The following PRKCA variants were observed in gnomAD, a reference collection of about 807,000 sequenced individuals.
PRKCA encodes protein kinase C alpha type.
PRKCA carries 27 observed loss-of-function variants against 87.0 expected under a neutral mutation model. The observed-to-expected ratio is 0.31, with a 90% CI of 0.23 to 0.43. The LOEUF (loss-of-function observed/expected upper bound fraction) is 0.43, where lower values mean the gene tolerates loss of function less well. PRKCA is among the 20% of genes least tolerant of loss of function. PRKCA has a pLI of 1.00. For synonymous variants in PRKCA, 329 were observed against 311.1 expected (o/e 1.06, Z -0.61); for missense variants, 518 against 852.3 (o/e 0.61, Z 4.88).
chr17:66,524,089 A>G (rs1258544013), intron 3 of PRKCA, among the ~76,000 whole-genome samples: 1 of 152,164 alleles, frequency 6.6e-6, no homozygotes, highest in African/African-American at 2.4e-5. Context: ...CAGCCTCTGC[A>G]ACATATACAG....
intron 3 of PRKCA, among the ~76,000 whole-genome samples, chr17:66,568,767 G>A (rs11655518): frequency 0.05 from 7,595 of 152,064 alleles, 267 homozygotes; most frequent in East Asian, 0.12. Flanking sequence ...TAATTTTGTG[G>A]GACTCAATGA....
intron 3 of PRKCA, among the ~76,000 whole-genome samples, chr17:66,558,087 T>C (rs934142177): frequency 1.3e-5 from 2 of 152,242 alleles, no homozygotes; most frequent in Non-Finnish European, 2.9e-5. Context: ...AATACGGGAA[T>C]AGCTGTACAT....
intron 13 of PRKCA, among the ~76,000 whole-genome samples, chr17:66,763,623 CTT>C: frequency 6.6e-6 from 1 of 152,236 alleles, no homozygotes; most frequent in South Asian, 2.1e-4. Flanking sequence ...AAAGGATATT[CTT>C]TGTTTCCCTG....
At chr17:66,799,559 GTGGTGGTGA>G (rs1169867532) in intron 16 of PRKCA, among the ~76,000 whole-genome samples, 2 of 1,766 alleles carry the variant, frequency 1.1e-3, no homozygotes, top group Admixed American at 7.7e-3. Flanking sequence ...GGTGGTGGTG[GTGGTGGTGA>G]TGGTGGTGGT....
At chr17:66,693,226 C>A (rs1972828016) in intron 8 of PRKCA, among the ~76,000 whole-genome samples, 1 of 152,194 alleles carries the variant, frequency 6.6e-6, no homozygotes, top group Admixed American at 6.5e-5. Context: ...TGGTAGAGAT[C>A]CTGCTAGAGC....
chr17:66,393,026 G>T (rs1272946573), intron 2 of PRKCA, among the ~76,000 whole-genome samples: 1 of 152,178 alleles, frequency 6.6e-6, no homozygotes, highest in Non-Finnish European at 1.5e-5. Context: ...GAGGGGAAAT[G>T]ATGGAAAACA....
chr17:66,458,108 G>A (rs934674299), intron 2 of PRKCA, among the ~76,000 whole-genome samples: 2 of 152,218 alleles, frequency 1.3e-5, no homozygotes, highest in Non-Finnish European at 2.9e-5. Flanking sequence ...CCCAAACTAG[G>A]CAGTGTAAGT....
intron 8 of PRKCA, among the ~76,000 whole-genome samples, chr17:66,697,979 G>A (rs1325501040): frequency 6.6e-6 from 1 of 152,202 alleles, no homozygotes; most frequent in Non-Finnish European, 1.5e-5. Context: ...AGGATTGAAA[G>A]AAGGCATGCA....
At chr17:66,640,694 C>T (rs893926345) in intron 3 of PRKCA, among the ~76,000 whole-genome samples, 9 of 152,300 alleles carry the variant, frequency 5.9e-5, no homozygotes, top group African/African-American at 1.4e-4. Flanking sequence ...TCTACTCGTG[C>T]CCCAGCCTGC....
intron 14 of PRKCA, among the ~76,000 whole-genome samples, chr17:66,778,515 C>CA (rs1485931539): frequency 1.3e-5 from 2 of 151,732 alleles, no homozygotes; most frequent in Non-Finnish European, 1.5e-5. Flanking sequence ...GACTCCATCT[C>CA]AAAAAAATAA....
chr17:66,779,212 G>A (rs929531413), intron 14 of PRKCA, among the ~76,000 whole-genome samples: 5 of 152,204 alleles, frequency 3.3e-5, no homozygotes, highest in Admixed American at 2.0e-4. Context: ...ATCGCAGAGG[G>A]CTGAAGATGA....
At chr17:66,313,862 G>A (rs898138196) in intron 2 of PRKCA, among the ~76,000 whole-genome samples, 1 of 152,200 alleles carries the variant, frequency 6.6e-6, no homozygotes, top group Non-Finnish European at 1.5e-5. Flanking sequence ...CAGCTTTGGA[G>A]TGAAACAGCT....
chr17:66,433,693 C>T (rs578134699), intron 2 of PRKCA, among the ~76,000 whole-genome samples: 50 of 152,208 alleles, frequency 3.3e-4, no homozygotes, highest in African/African-American at 1.0e-3. Flanking sequence ...TACAGGCACC[C>T]GTCACCACGC....
intron 2 of PRKCA, among the ~76,000 whole-genome samples, chr17:66,471,029 T>TA (rs1915303264): frequency 2.0e-5 from 3 of 152,174 alleles, no homozygotes; most frequent in African/African-American, 7.2e-5. Context: ...GTTTTTTTTT[T>TA]AATTGTACTT....
At chr17:66,779,998 C>T (rs1385599654) in intron 14 of PRKCA, among the ~76,000 whole-genome samples, 1 of 152,184 alleles carries the variant, frequency 6.6e-6, no homozygotes, top group Non-Finnish European at 1.5e-5. Context: ...AACTTTTCAC[C>T]GTTCCCTTGC....
chr17:66,544,211 G>A (rs532335277), intron 3 of PRKCA, among the ~76,000 whole-genome samples: 5 of 151,990 alleles, frequency 3.3e-5, no homozygotes, highest in African/African-American at 1.2e-4. Flanking sequence ...GCGACACAGC[G>A]AGACCCCATC....
intron 3 of PRKCA, among the ~76,000 whole-genome samples, chr17:66,619,027 C>G (rs2143682611): frequency 6.6e-6 from 1 of 152,318 alleles, no homozygotes; most frequent in African/African-American, 2.4e-5. Flanking sequence ...ATTATATACT[C>G]TTCCCTCAAG....
At chr17:66,552,427 A>T (rs1298640994) in intron 3 of PRKCA, among the ~76,000 whole-genome samples, 8 of 152,132 alleles carry the variant, frequency 5.3e-5, no homozygotes, top group Admixed American at 5.2e-4. Flanking sequence ...CGTGCTTGTG[A>T]TTGAGGGTTT....
chr17:66,452,804 C>T (rs560105738), intron 2 of PRKCA, among the ~76,000 whole-genome samples: 1 of 152,308 alleles, frequency 6.6e-6, no homozygotes, highest in South Asian at 2.1e-4. Flanking sequence ...GCGGAGCATG[C>T]AGTGAGCCGA....
Sources: gnomAD v4.1 joint callset for allele counts (sites outside exome capture counted in the v4.1 genomes callset) on GRCh38, gnomAD v4.1.1 for gene constraint, MANE v1.5 for transcripts, NCBI Gene and HGNC (gene_info 2026-07-23, HGNC 2026-07-21) for gene names.